The following SEMA6A variants were observed in gnomAD, a reference collection of about 807,000 sequenced individuals.
SEMA6A encodes the protein semaphorin-6A.
Under a neutral mutation model 96.8 loss-of-function variants are expected in SEMA6A, and 25 were observed. That is an observed-to-expected ratio of 0.26 (90% CI 0.19 to 0.36). The LOEUF (loss-of-function observed/expected upper bound fraction) is 0.36. SEMA6A is among the 10% of genes least tolerant of loss of function. The probability of loss-of-function intolerance (pLI) is 1.00; values close to 1 mark genes in which losing one functional copy is unlikely to be tolerated. For synonymous variants in SEMA6A, 612 were observed against 518.0 expected, an observed-to-expected ratio of 1.18 and a Z score of -2.46; for missense variants, 1,363 against 1,323.1, an observed-to-expected ratio of 1.03 and a Z score of -0.47.
At chr5:116,494,087 A>G (rs1757461826) in intron 6 of SEMA6A, among the ~76,000 whole-genome samples, 1 of 151,992 alleles carries the variant, frequency 6.6e-6, no homozygotes, top group African/African-American at 2.4e-5. Flanking sequence ...TCCTGTGCTT[A>G]TCTATTATTA....
chr5:116,521,258 C>T (rs1758935113), intron 1 of SEMA6A, among the ~76,000 whole-genome samples: 1 of 152,190 alleles, frequency 6.6e-6, no homozygotes, highest in Non-Finnish European at 1.5e-5. Flanking sequence ...CTGGGACTGT[C>T]AAGCACTGGC....
At chr5:116,455,472 T>C (rs1754957233) in intron 18 of SEMA6A, among the ~76,000 whole-genome samples, 1 of 152,196 alleles carries the variant, frequency 6.6e-6, no homozygotes, top group African/African-American at 2.4e-5. Context: ...AAACACAACA[T>C]CTAAGTGATT....
intron 18 of SEMA6A, among the ~76,000 whole-genome samples, chr5:116,466,395 A>AT (rs1755756959): frequency 6.6e-6 from 1 of 151,516 alleles, no homozygotes; most frequent in Non-Finnish European, 1.5e-5. Flanking sequence ...AAAAAAAAAA[A>AT]GATTTGAGTC....
chr5:116,495,217 T>G lies in SEMA6A; in HGVS notation c.444+196A>C, dbSNP rs145181411. 3.9e-3 allele frequency among the ~76,000 whole-genome samples: 587 copies of G among 152,300 alleles called. 4 individuals carry two copies. The highest frequency in any genetic ancestry group is 0.013 in the African/African-American group (543 of 41,566). On this transcript the variant is annotated intron_variant, in intron 6 of 18. Coordinates refer to ENST00000343348, the MANE Select transcript of SEMA6A (RefSeq NM_020796.5). The stretch of plus-strand genomic sequence containing the variant: ...TTGCTAGGCAGGCTCTTTAAAGATG[T>G]GTCAATCAATCCTGAACAAACAGGA...
intron 1 of SEMA6A, among the ~76,000 whole-genome samples, chr5:116,572,537 G>T (rs1761265325): frequency 6.6e-6 from 1 of 152,160 alleles, no homozygotes; most frequent in South Asian, 2.1e-4. Context: ...TAGCCACGCT[G>T]GGAAATCGTG....
At chr5:116,489,820 T>C (rs946358663) in intron 7 of SEMA6A, among the ~76,000 whole-genome samples, 1 of 152,246 alleles carries the variant, frequency 6.6e-6, no homozygotes, top group African/African-American at 2.4e-5. Flanking sequence ...GGTTCCTTCC[T>C]GGCTCAGCAA....
intron 1 of SEMA6A, among the ~76,000 whole-genome samples, chr5:116,534,177 A>G (rs1044646396): frequency 4.6e-5 from 7 of 152,212 alleles, no homozygotes; most frequent in African/African-American, 1.4e-4. Flanking sequence ...CAATCAGACT[A>G]TCTACTGGAT....
rs775929936 is a variant in SEMA6A, at chr5:116,504,855, C to G, written c.90G>C (p.Ser30=). The G allele has an allele frequency of 7.5e-6, 12 of 1,597,906 alleles. No homozygotes were observed. The South Asian group carries it at 1.3e-4, about 17-fold the overall frequency. The stretch of plus-strand genomic sequence containing the variant: ...ACCATGGGTACTTACAGTTGCCATG[C>G]GAAATACTGATTGGCTCAGAATCTT... The part of the protein sequence containing the change: ...FPEDSEPISI[S]HGNYTKQYPV... The change falls in exon 2 of 19, where the codon TCG becomes TCC. Residue 30 remains serine (S), a synonymous_variant. Transcript: ENST00000343348.
chr5:116,496,179 G>A, intron 5 of SEMA6A, 72 bp downstream of exon 5: 1 of 1,250,182 alleles, frequency 8.0e-7, no homozygotes, highest in Non-Finnish European at 1.2e-6. Flanking sequence ...CTACATCACG[G>A]TCTATGGCTG....
chr5:116,469,863 T>A (rs1332049386), intron 17 of SEMA6A, among the ~76,000 whole-genome samples: 2 of 152,196 alleles, frequency 1.3e-5, no homozygotes, highest in Non-Finnish European at 2.9e-5. Context: ...GACCAGATGG[T>A]AGTTAGGTAA....
intron 6 of SEMA6A, among the ~76,000 whole-genome samples, chr5:116,493,872 T>G (rs1362191180): frequency 2.0e-5 from 3 of 152,172 alleles, no homozygotes; most frequent in African/African-American, 7.2e-5. Context: ...ATAGCTCTAT[T>G]CATGTCCTAT....
intron 1 of SEMA6A, among the ~76,000 whole-genome samples, chr5:116,551,317 T>TACACACACACAC (rs66523615): frequency 0.11 from 16,324 of 142,330 alleles, 1,176 homozygotes; most frequent in East Asian, 0.23. Context: ...AGTCTTAGCA[T>TACACACACACAC]ACACACACAC....
chr5:116,477,819 C>T (rs1249760009), intron 15 of SEMA6A, 27 bp downstream of exon 15: 6 of 1,611,254 alleles, frequency 3.7e-6, no homozygotes, highest in Non-Finnish European at 5.1e-6. Context: ...AGCCACTTCA[C>T]CCTCTCCCAC....
At chr5:116,476,373 A>G (rs759976369) in intron 15 of SEMA6A, among the ~76,000 whole-genome samples, 7 of 152,214 alleles carry the variant, frequency 4.6e-5, no homozygotes, top group Non-Finnish European at 7.3e-5. Context: ...TTATTTTGCA[A>G]CTGCTTTCAG....
At chr5:116,517,436 C>T (rs997756126) in intron 1 of SEMA6A, among the ~76,000 whole-genome samples, 1 of 151,952 alleles carries the variant, frequency 6.6e-6, no homozygotes, top group African/African-American at 2.4e-5. Flanking sequence ...TTAATTATTC[C>T]ACAGTGTGTT....
intron 1 of SEMA6A, among the ~76,000 whole-genome samples, chr5:116,527,463 T>C (rs185992467): frequency 1.1e-3 from 165 of 152,308 alleles, no homozygotes; most frequent in Non-Finnish European, 1.8e-3. Flanking sequence ...CATGGAAGTA[T>C]TTCTCACATA....
At chr5:116,505,698 A>T (rs527720865) in intron 1 of SEMA6A, among the ~76,000 whole-genome samples, 4 of 152,354 alleles carry the variant, frequency 2.6e-5, no homozygotes, top group Middle Eastern at 3.4e-3. Flanking sequence ...TTGATTTAAA[A>T]AGTCATATCT....
chr5:116,496,740 A>G (rs1263140905), intron 4 of SEMA6A, among the ~76,000 whole-genome samples: 1 of 152,238 alleles, frequency 6.6e-6, no homozygotes, highest in African/African-American at 2.4e-5. Context: ...CTTAAACATA[A>G]AGAGGACATT....
At chr5:116,458,908 C>T (rs1203583258) in intron 18 of SEMA6A, among the ~76,000 whole-genome samples, 4 of 152,134 alleles carry the variant, frequency 2.6e-5, no homozygotes, top group African/African-American at 9.7e-5. Context: ...TCCCCCTGCA[C>T]ACGTTCAAAC....
Sources: gnomAD v4.1 joint callset for allele counts (sites outside exome capture counted in the v4.1 genomes callset) on GRCh38, gnomAD v4.1.1 for gene constraint, MANE v1.5 for transcripts, NCBI Gene and HGNC (gene_info 2026-07-23, HGNC 2026-07-21) for gene names.